PARD3B: variants seen among roughly 807,000 people sequenced by gnomAD.
PARD3B encodes partitioning defective 3 homolog B.
A neutral mutation model predicts 130.2 loss-of-function variants in PARD3B; 103 were observed. That is an observed-to-expected ratio of 0.79 (90% confidence interval 0.67 to 0.93). The LOEUF is 0.93. PARD3B is among the 40% of genes least tolerant of loss of function. The pLI is 0.00. For synonymous variants in PARD3B, 583 were observed against 553.2 expected, an observed-to-expected ratio of 1.05 and a Z score of -0.76; for missense variants, 1,609 against 1,499.2, an observed-to-expected ratio of 1.07 and a Z score of -1.21.
chr2:205,097,390 G>A (rs1249870795), intron 4 of PARD3B, among the ~76,000 whole-genome samples: 4 of 152,114 alleles, frequency 2.6e-5, no homozygotes, highest in African/African-American at 9.7e-5. Context: ...CATGTAAAAG[G>A]AGACCAGTCA....
intron 1 of PARD3B, among the ~76,000 whole-genome samples, chr2:204,605,406 G>A (rs11894575): frequency 0.015 from 2,237 of 152,226 alleles, 53 homozygotes; most frequent in African/African-American, 0.051. Context: ...CACCTGATTA[G>A]TTTCAGTGAT....
chr2:204,791,991 A>C (rs1016307740), intron 2 of PARD3B, among the ~76,000 whole-genome samples: 5 of 152,162 alleles, frequency 3.3e-5, no homozygotes, highest in African/African-American at 1.2e-4. Flanking sequence ...ATACTGTCTA[A>C]AATTTATTTT....
chr2:204,821,236 G>A (rs1251065547), intron 2 of PARD3B, among the ~76,000 whole-genome samples: 1 of 152,114 alleles, frequency 6.6e-6, no homozygotes, highest in Non-Finnish European at 1.5e-5. Flanking sequence ...TCTTTCCCAT[G>A]CTGTTCTCTT....
intron 20 of PARD3B, among the ~76,000 whole-genome samples, chr2:205,449,052 G>A (rs2048006116): frequency 3.3e-5 from 5 of 151,222 alleles, no homozygotes. Flanking sequence ...TGTAATCCCA[G>A]CTACTTGGGA....
intron 2 of PARD3B, among the ~76,000 whole-genome samples, chr2:204,808,071 T>C (rs2125516536): frequency 6.6e-6 from 1 of 152,232 alleles, no homozygotes; most frequent in Non-Finnish European, 1.5e-5. Context: ...GTAGCTCATG[T>C]ACCCTATAAA....
chr2:205,420,610 GA>G (rs1045019391), intron 19 of PARD3B, among the ~76,000 whole-genome samples: 1 of 152,172 alleles, frequency 6.6e-6, no homozygotes. Context: ...TGCCTCCCAT[GA>G]AGATCTTAAG....
At position 205,091,032 on chromosome 2, in the gene PARD3B, C is replaced by A. The variant is rs765521108; in HGVS notation, c.505-13394C>A. ...TCCAGAGATGATATTTGGATTAAAT[C>A]ATCACTGTCTAATAGAAGCAGTTAT... On this transcript the variant is annotated intron_variant, in intron 4 of 22. Coordinates refer to ENST00000406610, the MANE Select transcript of PARD3B (RefSeq NM_001302769.2). This position sits in a 1 kb window ranked among gnomAD's most constrained non-coding sequence, Gnocchi z 4.2. Among the ~76,000 whole-genome samples, 3 of 152,136 alleles carry A rather than the reference C, an allele frequency of 2.0e-5. No individual in the cohort carries two copies. Among genetic ancestry groups the A allele is most frequent in the Non-Finnish European group, 4.4e-5 (3 of 68,042 alleles).
At chr2:204,997,719 T>C (rs1694348857) in intron 3 of PARD3B, among the ~76,000 whole-genome samples, 1 of 151,920 alleles carries the variant, frequency 6.6e-6, no homozygotes, top group Non-Finnish European at 1.5e-5. Context: ...CTTGTCCTTC[T>C]TGCATTACTA....
rs181458551 is a variant in PARD3B at position 205,204,156 on chromosome 2, G to T, written c.2140+10836G>T. 3.4e-3 allele frequency among the ~76,000 whole-genome samples: 523 copies of T among 152,312 alleles called. 1 individual carries two copies. The highest frequency in any genetic ancestry group is 5.0e-3 in the Non-Finnish European group (343 of 68,018). On this transcript the variant is annotated intron_variant, in intron 15 of 22. Coordinates refer to ENST00000406610, the MANE Select transcript of PARD3B (RefSeq NM_001302769.2). ...TAATGATTGCCATTCTAACTGGCAT[G>T]AGATGGTATCTCATTGTGGTTTTGA...
chr2:204,697,525 C>A (rs1015618764), intron 2 of PARD3B, among the ~76,000 whole-genome samples: 8 of 152,028 alleles, frequency 5.3e-5, no homozygotes, highest in Non-Finnish European at 1.5e-5. Context: ...TCACTGAGAC[C>A]GAGTATATAA....
At position 205,564,571 on chromosome 2, in the gene PARD3B, C is replaced by A. The variant is rs534063724; in HGVS notation, c.3260+11168C>A. 2.0e-4 allele frequency among the ~76,000 whole-genome samples: 30 copies of A among 152,234 alleles called. No individual in the cohort carries two copies. The South Asian group carries it at 6.0e-3, about 31-fold the overall frequency. On this transcript the variant is annotated intron_variant, in intron 22 of 22. Transcript: ENST00000406610. The surrounding 1 kb of genome is among the most constrained non-coding windows in gnomAD (Gnocchi z 4.6). ...TGGTTCTTTCACAGTGTAGTTCTGG[C>A]ACATCCTTAGGGGACATGGCTGAGA...
rs1196685900 is a variant in PARD3B, at chr2:205,473,887, A to G, written c.3045-26009A>G. 6.7e-6 allele frequency among the ~76,000 whole-genome samples: 1 copy of G among 149,670 alleles called. No individual in the cohort carries two copies. The highest frequency in any genetic ancestry group is 2.5e-5 in the African/African-American group (1 of 39,600). ...TGAGCTACCAAATTATACTTTTGCAAGCTTGATCTTCAACCTCACTTATGT... is the reference window on the plus strand; with the variant it reads ...TGAGCTACCAAATTATACTTTTGCAGGCTTGATCTTCAACCTCACTTATGT... On this transcript the variant is annotated intron_variant, in intron 20 of 22. Coordinates refer to ENST00000406610, the MANE Select transcript of PARD3B (RefSeq NM_001302769.2). This position sits in a 1 kb window ranked among gnomAD's most constrained non-coding sequence, Gnocchi z 4.9.
At chr2:204,722,203 A>T (rs2039028831) in intron 2 of PARD3B, among the ~76,000 whole-genome samples, 1 of 152,232 alleles carries the variant, frequency 6.6e-6, no homozygotes, top group Non-Finnish European at 1.5e-5. Context: ...CTATTGACAA[A>T]TAATTGGATC....
intron 2 of PARD3B, among the ~76,000 whole-genome samples, chr2:204,926,284 T>C (rs1033850061): frequency 2.2e-4 from 34 of 152,154 alleles, no homozygotes; most frequent in African/African-American, 7.5e-4. Flanking sequence ...GTCCACTCTG[T>C]TATCTCTTGA....
chr2:205,594,390 T>C (rs1415402215), intron 22 of PARD3B, among the ~76,000 whole-genome samples: 1 of 152,076 alleles, frequency 6.6e-6, no homozygotes, highest in African/African-American at 2.4e-5. Context: ...TTCCCCTCTT[T>C]AAAGTGGGGA....
In PARD3B at chr2:204,669,788, G is replaced by T. The variant is rs567147840; in HGVS notation, c.121-16393G>T. Among the ~76,000 whole-genome samples the T allele has an allele frequency of 6.6e-6, 1 of 152,302 alleles. No individual in the cohort carries two copies. Among genetic ancestry groups the T allele is most frequent in the East Asian group, 1.9e-4 (1 of 5,186 alleles). ...AATGGGAAGGGAAGGGGTGGAAGGT[G>T]AGGAAAAGAGTAAGGGCTGCCAAGT... On this transcript the variant is annotated intron_variant, in intron 1 of 22. Coordinates refer to ENST00000406610, the MANE Select transcript of PARD3B (RefSeq NM_001302769.2). This position sits in a 1 kb window ranked among gnomAD's most constrained non-coding sequence, Gnocchi z 4.3.
chr2:205,308,614 A>AAAAC (rs996690476), intron 18 of PARD3B, among the ~76,000 whole-genome samples: 1 of 151,368 alleles, frequency 6.6e-6, no homozygotes, highest in Non-Finnish European at 1.5e-5. Context: ...CAAAAAAAAA[A>AAAAC]AAAAACCAAA....
intron 18 of PARD3B, among the ~76,000 whole-genome samples, chr2:205,374,249 T>TA (rs1290294468): frequency 3.9e-5 from 6 of 152,000 alleles, no homozygotes; most frequent in African/African-American, 1.2e-4. Context: ...TTATTATTAT[T>TA]TTTTTGAGAT....
intron 2 of PARD3B, among the ~76,000 whole-genome samples, chr2:204,748,667 G>A (rs1216771957): frequency 6.6e-6 from 1 of 152,066 alleles, no homozygotes; most frequent in African/African-American, 2.4e-5. Flanking sequence ...CTGATTCAGT[G>A]GGTGTGGAGT....
Sources: gnomAD v4.1 joint callset for allele counts (sites outside exome capture counted in the v4.1 genomes callset) on GRCh38, gnomAD v4.1.1 for gene constraint, Gnocchi (gnomAD v3.1) non-coding constraint, MANE v1.5 for transcripts, NCBI Gene and HGNC (gene_info 2026-07-23, HGNC 2026-07-21) for gene names.